Variants in IPO11 observed in about 807,000 individuals in gnomAD.
The protein encoded by IPO11 is importin-11.
IPO11 carries 66 observed loss-of-function variants against 143.2 expected under a neutral mutation model. That is an observed-to-expected ratio of 0.46 (90% confidence interval 0.38 to 0.57). The LOEUF (loss-of-function observed/expected upper bound fraction) is 0.57, where lower values mean the gene tolerates loss of function less well. Ranked by LOEUF, IPO11 falls within the 20% of genes least tolerant of loss-of-function variation. The pLI, the probability that IPO11 is intolerant of heterozygous loss-of-function variation, is 0.00. For synonymous variants in IPO11, 385 were observed against 377.8 expected (o/e 1.02, Z -0.22); for missense variants, 1,026 against 1,141.0 (o/e 0.90, Z 1.45).
chr5:62,435,154 A>ATATATATGTG (rs1744157405), intron 1 of IPO11, among the ~76,000 whole-genome samples: 1 of 62,728 alleles, frequency 1.6e-5, no homozygotes, highest in African/African-American at 6.6e-5. Context: ...GTATATATGT[A>ATATATATGTG]TATATATGTA....
At chr5:62,543,131 A>G (rs1743023645) in intron 24 of IPO11, among the ~76,000 whole-genome samples, 1 of 152,148 alleles carries the variant, frequency 6.6e-6, no homozygotes, top group African/African-American at 2.4e-5. Context: ...CCATGATATA[A>G]CACAAGCATT....
chr5:62,425,434 C>T (rs1743697102), intron 1 of IPO11, among the ~76,000 whole-genome samples: 1 of 152,234 alleles, frequency 6.6e-6, no homozygotes, highest in African/African-American at 2.4e-5. Context: ...TCTCCTGCCT[C>T]AGCCTCCCGA....
At chr5:62,527,160 C>T (rs1253439451) in intron 21 of IPO11, among the ~76,000 whole-genome samples, 1 of 152,130 alleles carries the variant, frequency 6.6e-6, no homozygotes, top group Admixed American at 6.6e-5. Context: ...AGGTGTTGTT[C>T]GAACTTAAAT....
chr5:62,587,039 T>A (rs1744820516), intron 27 of IPO11, among the ~76,000 whole-genome samples: 1 of 151,722 alleles, frequency 6.6e-6, no homozygotes, highest in African/African-American at 2.4e-5. Context: ...TCATGGAAGC[T>A]TAGTATGTCT....
chr5:62,511,598 C>CT (rs1741749289), intron 19 of IPO11, among the ~76,000 whole-genome samples: 1 of 152,158 alleles, frequency 6.6e-6, no homozygotes, highest in Non-Finnish European at 1.5e-5. Context: ...GGAGCAAATT[C>CT]TGTAGTTGTT....
chr5:62,526,757 A>G (rs148641302), intron 21 of IPO11: 1 of 153,016 alleles, frequency 6.5e-6, no homozygotes, highest in African/African-American at 2.4e-5. Flanking sequence ...ACAAAGGCTT[A>G]TTGACTGCCC....
At chr5:62,578,644 C>T (rs1744412525) in intron 27 of IPO11, 2 of 464,062 alleles carry the variant, frequency 4.3e-6, no homozygotes. Context: ...AAATAAGTTC[C>T]TGAGATTTCC....
intron 5 of IPO11, among the ~76,000 whole-genome samples, chr5:62,463,329 A>T (rs1393770625): frequency 6.6e-6 from 1 of 152,052 alleles, no homozygotes; most frequent in African/African-American, 2.4e-5. Context: ...TACAGTTGTG[A>T]GATACCATGC....
chr5:62,483,473 A>T, intron 10 of IPO11, 180 bp downstream of exon 10: 1 of 484,456 alleles, frequency 2.1e-6, no homozygotes, highest in Middle Eastern at 5.5e-4. Flanking sequence ...TAAAAACAAC[A>T]TAGTGCATTT....
At chr5:62,439,453 A>T (rs1429805345) in intron 2 of IPO11, among the ~76,000 whole-genome samples, 2 of 151,390 alleles carry the variant, frequency 1.3e-5, no homozygotes, top group African/African-American at 4.8e-5. Context: ...CGCCTGGCTA[A>T]TTTTTTTGTA....
chr5:62,533,747 G>A (rs1434711266), intron 22 of IPO11, among the ~76,000 whole-genome samples: 1 of 152,042 alleles, frequency 6.6e-6, no homozygotes. Context: ...GATTGCTTGA[G>A]GACAGGAGTT....
chr5:62,612,582 C>A (rs925406117), intron 29 of IPO11, among the ~76,000 whole-genome samples: 1 of 152,080 alleles, frequency 6.6e-6, no homozygotes, highest in Non-Finnish European at 1.5e-5. Flanking sequence ...ATTTTTCTCA[C>A]TAAAGAGATA....
chr5:62,463,096 C>CTG (rs1745430217), intron 5 of IPO11, among the ~76,000 whole-genome samples: 1 of 152,060 alleles, frequency 6.6e-6, no homozygotes, highest in South Asian at 2.1e-4. Flanking sequence ...GGCTGGAGTG[C>CTG]TGTGGTGTGA....
At chr5:62,578,754 CAATGTGAA>C (rs1744417780) in intron 27 of IPO11, 1 of 459,358 alleles carries the variant, frequency 2.2e-6, no homozygotes, top group Admixed American at 2.4e-5. Flanking sequence ...GTAAAGGAAC[CAATGTGAA>C]GAGTGGTGTT....
chr5:62,584,770 C>G, intron 27 of IPO11, among the ~76,000 whole-genome samples: 1 of 149,576 alleles, frequency 6.7e-6, no homozygotes, highest in South Asian at 2.1e-4. Context: ...TTTAAGTGCC[C>G]ACTACCACTG....
intron 27 of IPO11, among the ~76,000 whole-genome samples, chr5:62,565,841 C>G (rs1384737426): frequency 6.7e-6 from 1 of 150,172 alleles, no homozygotes; most frequent in African/African-American, 2.4e-5. Flanking sequence ...GGTGTGTTCT[C>G]ATTGTTCAAC....
intron 29 of IPO11, among the ~76,000 whole-genome samples, chr5:62,605,896 A>G (rs779321515): frequency 6.6e-6 from 1 of 151,908 alleles, no homozygotes; most frequent in Non-Finnish European, 1.5e-5. Context: ...CCACTACGCT[A>G]ATTTTTACAT....
At chr5:62,515,953 G>C (rs924931112) in intron 20 of IPO11, among the ~76,000 whole-genome samples, 1 of 152,202 alleles carries the variant, frequency 6.6e-6, no homozygotes, top group Non-Finnish European at 1.5e-5. Context: ...TGACGTTTGA[G>C]GTGTTGGGAT....
chr5:62,540,685 T>G (rs1305688108), intron 24 of IPO11, among the ~76,000 whole-genome samples: 1 of 152,248 alleles, frequency 6.6e-6, no homozygotes, highest in Non-Finnish European at 1.5e-5. Flanking sequence ...TCTTTGTTCC[T>G]CATTTTCCAT....
Sources: allele counts gnomAD v4.1 joint callset (sites outside exome capture counted in the v4.1 genomes callset), GRCh38; gene constraint gnomAD v4.1.1; transcripts MANE v1.5; gene names NCBI Gene and HGNC (gene_info 2026-07-23, HGNC 2026-07-21).